The following MGAT4C variants were observed in gnomAD, a reference collection of about 807,000 sequenced individuals.
MGAT4C encodes MGAT4 family member C.
A neutral mutation model predicts 40.1 loss-of-function variants in MGAT4C; 19 were observed. The observed-to-expected ratio is 0.47, with a 90% CI of 0.33 to 0.70. The LOEUF (loss-of-function observed/expected upper bound fraction) is 0.70. Among genes scored for constraint, MGAT4C ranks in the 30% least tolerant of loss-of-function variants. MGAT4C has a pLI of 0.02. For missense variants in MGAT4C, 491 were observed against 563.2 expected (o/e 0.87, Z 1.30); for synonymous variants, 181 against 187.1 (o/e 0.97, Z 0.27).
At position 85,992,289 on chromosome 12, in the gene MGAT4C, G is replaced by C. The variant is rs555921142; in HGVS notation, c.-6-2737C>G. ...ACCTCTACTGGGTGTTGAGAATGTT[G>C]GCTTTGTTTCAATCCAGTGTCCTTT... On this transcript the variant is annotated intron_variant, in intron 2 of 4. Transcript: ENST00000611864. Among the ~76,000 whole-genome samples the C allele has an allele frequency of 2.0e-5, 3 of 152,270 alleles. No homozygotes were observed. The East Asian group carries it at 5.8e-4, about 30-fold the overall frequency.
intron 4 of MGAT4C, among the ~76,000 whole-genome samples, chr12:86,280,250 G>A (rs1953182200): frequency 6.6e-6 from 1 of 151,932 alleles, no homozygotes; most frequent in East Asian, 1.9e-4. Context: ...AAAGTCTACA[G>A]GTGTTATTAT....
intron 1 of MGAT4C, among the ~76,000 whole-genome samples, chr12:86,786,342 T>C (rs1005716378): frequency 3.9e-5 from 6 of 152,086 alleles, no homozygotes; most frequent in African/African-American, 7.2e-5. Flanking sequence ...GTTGAATCTG[T>C]AGGTTTCTAA....
chr12:86,429,875 A>G (rs1956999902), intron 3 of MGAT4C, among the ~76,000 whole-genome samples: 1 of 152,058 alleles, frequency 6.6e-6, no homozygotes, highest in South Asian at 2.1e-4. Flanking sequence ...TCTGGCCTTT[A>G]TTATTATTTG....
chr12:86,788,577 T>C (rs1951973148), intron 1 of MGAT4C, among the ~76,000 whole-genome samples: 2 of 152,178 alleles, frequency 1.3e-5, no homozygotes, highest in South Asian at 4.1e-4. Flanking sequence ...TTGTTTTCCA[T>C]AATTTGGCCA....
At chr12:86,104,983 G>T in intron 1 of MGAT4C, among the ~76,000 whole-genome samples, 1 of 151,910 alleles carries the variant, frequency 6.6e-6, no homozygotes, top group Non-Finnish European at 1.5e-5. Context: ...AACTATCCGT[G>T]GTACTAAATT....
intron 1 of MGAT4C, among the ~76,000 whole-genome samples, chr12:86,198,734 T>A (rs2135926023): frequency 6.6e-6 from 1 of 152,314 alleles, no homozygotes; most frequent in East Asian, 1.9e-4. Context: ...TCTGTTAACT[T>A]TAATTCCATC....
intron 1 of MGAT4C, among the ~76,000 whole-genome samples, chr12:86,088,870 G>T (rs1872382213): frequency 6.6e-6 from 1 of 151,798 alleles, no homozygotes; most frequent in Non-Finnish European, 1.5e-5. Context: ...AACTTATTTT[G>T]CTGTCTTTTT....
rs1882784202 is a variant in MGAT4C at position 85,956,213 on chromosome 12, T to G, written c.*23076A>C. The G allele has an allele frequency of 6.6e-6, 1 of 152,236 alleles. No homozygotes were observed. Among genetic ancestry groups the G allele is most frequent in the Non-Finnish European group, 1.5e-5 (1 of 68,018 alleles). 9.4% of individuals were successfully genotyped at this position (152,236 alleles called of 1,614,324 possible). ...AGTGAGAAGTATAATGATTTTTTCC[T>G]GAAAACCCTGTCTTTTACTATGCAA... On this transcript the variant is annotated 3_prime_UTR_variant, in exon 5 of 5. Transcript: ENST00000611864.
intron 1 of MGAT4C, among the ~76,000 whole-genome samples, chr12:86,086,134 C>G (rs575739558): frequency 7.9e-5 from 12 of 152,018 alleles, no homozygotes; most frequent in Admixed American, 4.6e-4. Flanking sequence ...AGACTTGGAC[C>G]CAACCCAAAT....
At chr12:86,014,110 C>G (rs993845961) in intron 2 of MGAT4C, among the ~76,000 whole-genome samples, 1 of 152,130 alleles carries the variant, frequency 6.6e-6, no homozygotes, top group African/African-American at 2.4e-5. Flanking sequence ...AGCTTCTATT[C>G]TCTCATAATT....
intron 3 of MGAT4C, among the ~76,000 whole-genome samples, chr12:85,986,773 T>C (rs928366988): frequency 6.6e-6 from 1 of 152,014 alleles, no homozygotes; most frequent in Non-Finnish European, 1.5e-5. Context: ...GATAATTTTA[T>C]TAAAAAAGAA....
At chr12:86,038,769 C>A (rs913379044) in intron 2 of MGAT4C, among the ~76,000 whole-genome samples, 1 of 149,604 alleles carries the variant, frequency 6.7e-6, no homozygotes, top group East Asian at 1.9e-4. Context: ...TTTGATCCTG[C>A]CTTTATAATG....
chr12:86,397,482 G>A (rs1298669212), intron 3 of MGAT4C, among the ~76,000 whole-genome samples: 2 of 151,722 alleles, frequency 1.3e-5, no homozygotes, highest in Non-Finnish European at 2.9e-5. Context: ...TTTGGGTGTT[G>A]GATTATTGAC....
intron 2 of MGAT4C, among the ~76,000 whole-genome samples, chr12:86,609,450 A>C (rs1266635540): frequency 6.6e-6 from 1 of 152,040 alleles, no homozygotes; most frequent in Non-Finnish European, 1.5e-5. Context: ...TGTCCTAAGT[A>C]TTTTTTAAAA....
At chr12:86,099,471 TGCAAATTCTACAAA>T (rs1246415611) in intron 1 of MGAT4C, among the ~76,000 whole-genome samples, 1 of 151,340 alleles carries the variant, frequency 6.6e-6, no homozygotes, top group Non-Finnish European at 1.5e-5. Flanking sequence ...GTGCAGAACG[TGCAAATTCTACAAA>T]GAACTTAAAC....
rs945405741 is a variant in MGAT4C, at chr12:85,957,391, A to G, written c.*21898T>C. The G allele has an allele frequency of 6.6e-6, 1 of 152,194 alleles. No homozygotes were observed. The highest frequency in any genetic ancestry group is 2.4e-5 in the African/African-American group (1 of 41,460). The allele number at this position is 152,194 out of a possible 1,614,324, so 9.4% of individuals were successfully genotyped here. On this transcript the variant is annotated 3_prime_UTR_variant, in exon 5 of 5. Transcript: ENST00000611864. ...TCTCATTGAAGGGCATGGGCCAGAGATATGCATACAGAAATTGTCCCTCTA... is the reference window on the plus strand; with the variant it reads ...TCTCATTGAAGGGCATGGGCCAGAGGTATGCATACAGAAATTGTCCCTCTA...
intron 2 of MGAT4C, among the ~76,000 whole-genome samples, chr12:86,645,875 C>A (rs1963527642): frequency 6.6e-6 from 1 of 151,704 alleles, no homozygotes; most frequent in South Asian, 2.1e-4. Context: ...GCTTAACATG[C>A]TCCTTGGCAC....
At chr12:86,424,392 C>T (rs1312901415) in intron 3 of MGAT4C, among the ~76,000 whole-genome samples, 3 of 152,082 alleles carry the variant, frequency 2.0e-5, no homozygotes, top group Non-Finnish European at 2.9e-5. Context: ...ATTCAGTGTT[C>T]TTTTTTTAGC....
At chr12:86,366,101 C>T (rs556677393) in intron 3 of MGAT4C, among the ~76,000 whole-genome samples, 1 of 152,262 alleles carries the variant, frequency 6.6e-6, no homozygotes, top group East Asian at 1.9e-4. Flanking sequence ...AGAGCAGTTT[C>T]ACATCCTTGA....
Sources: allele counts gnomAD v4.1 joint callset (sites outside exome capture counted in the v4.1 genomes callset), GRCh38; gene constraint gnomAD v4.1.1; transcripts MANE v1.5; gene names NCBI Gene and HGNC (gene_info 2026-07-23, HGNC 2026-07-21).